Variants in SLC38A10 observed in about 807,000 individuals in gnomAD.
The protein encoded by SLC38A10 is solute carrier family 38 member 10.
In SLC38A10, 53 loss-of-function variants were observed where a neutral mutation model predicts 81.0. That is an observed-to-expected ratio of 0.65 (90% CI 0.53 to 0.82). The LOEUF is 0.82. SLC38A10 is among the 40% of genes least tolerant of loss of function. SLC38A10 has a pLI of 0.00. For synonymous variants in SLC38A10, 665 were observed against 655.3 expected, an observed-to-expected ratio of 1.01 and a Z score of -0.23; for missense variants, 1,471 against 1,545.0, an observed-to-expected ratio of 0.95 and a Z score of 0.80.
intron 4 of SLC38A10, among the ~76,000 whole-genome samples, chr17:81,282,877 C>T (rs953264963): frequency 2.0e-5 from 3 of 152,214 alleles, no homozygotes; most frequent in African/African-American, 4.8e-5. Context: ...AGCCTTTCTA[C>T]GCTGTTAGCA....
intron 14 of SLC38A10, among the ~76,000 whole-genome samples, chr17:81,248,308 C>T (rs562688260): frequency 5.3e-5 from 8 of 152,278 alleles, no homozygotes; most frequent in South Asian, 4.1e-4. Flanking sequence ...GTGAGGCCCC[C>T]GCCAGCCATC....
rs184259229 is a variant in SLC38A10 at position 81,272,927 on chromosome 17, T to C, written c.913-300A>G. On this transcript the variant is annotated intron_variant, in intron 8 of 15. Transcript: ENST00000374759. ...GTCCTTCCGTTTTCCTTTTTGCTTT[T>C]AGAGCAATACCACGAGAGTTTTTTA... Among the ~76,000 whole-genome samples, 99 of 152,324 alleles carry C rather than the reference T, an allele frequency of 6.5e-4. 1 individual carries two copies. Among genetic ancestry groups the C allele is most frequent in the African/African-American group, 2.2e-3 (92 of 41,562 alleles).
At position 81,244,932 on chromosome 17, in the gene SLC38A10, C is replaced by G. The variant is rs2062834898; in HGVS notation, c.*624G>C. Reference sequence around the variant, plus strand: ...CAAAGGGCGGCACCGGCCAGTGCCCCTGGACACCCGGCTTGTCTGGCCCCT... The same window carrying G: ...CAAAGGGCGGCACCGGCCAGTGCCCGTGGACACCCGGCTTGTCTGGCCCCT... On this transcript the variant is annotated 3_prime_UTR_variant, in exon 16 of 16. Coordinates refer to ENST00000374759, the MANE Select transcript of SLC38A10 (RefSeq NM_001037984.3). The G allele has an allele frequency of 6.1e-6, 1 of 164,978 alleles. No homozygotes were observed. Among genetic ancestry groups the G allele is most frequent in the Admixed American group, 6.4e-5 (1 of 15,622 alleles). 10.2% of individuals were successfully genotyped at this position (164,978 alleles called of 1,614,324 possible).
intron 8 of SLC38A10, 66 bp downstream of exon 8, chr17:81,275,903 G>T: frequency 6.7e-7 from 1 of 1,500,470 alleles, no homozygotes; most frequent in South Asian, 1.3e-5. Flanking sequence ...CGGGACAGCT[G>T]GGGGCTTATG....
rs376606899 is a variant in SLC38A10, at chr17:81,255,932, A to G, written c.1289-2692T>C. Among the ~76,000 whole-genome samples the G allele has an allele frequency of 2.3e-3, 347 of 152,302 alleles. 4 individuals are homozygous for G. The highest frequency in any genetic ancestry group is 8.1e-3 in the African/African-American group (335 of 41,574). On this transcript the variant is annotated intron_variant, in intron 11 of 15. Coordinates refer to ENST00000374759, the MANE Select transcript of SLC38A10 (RefSeq NM_001037984.3). ...GGGAGGTGGAGGCTGTAGTGAGCCA[A>G]TATCGTGCCACTGCACTCCAGCCTG...
Position 81,244,841 on chromosome 17 carries a change from A to T in SLC38A10, c.*715T>A, listed in dbSNP as rs929833143. 6.6e-6 allele frequency among the ~76,000 whole-genome samples: 1 copy of T among 152,134 alleles called. No homozygotes were observed. Among genetic ancestry groups the T allele is most frequent in the Non-Finnish European group, 1.5e-5 (1 of 68,016 alleles). On this transcript the variant is annotated 3_prime_UTR_variant, in exon 16 of 16. Transcript: ENST00000374759. ...TTATCAGTGGTGTTTTTTACTTTTT[A>T]AAAAAAGCCACAATTGGATTTTGAA...
chr17:81,287,958 C>T (rs2063281217), intron 2 of SLC38A10, among the ~76,000 whole-genome samples: 1 of 152,236 alleles, frequency 6.6e-6, no homozygotes, highest in Non-Finnish European at 1.5e-5. Context: ...AAGGGGCCCG[C>T]CCAGGCACGG....
intron 13 of SLC38A10, 69 bp from the exon 14 acceptor site, chr17:81,251,681 C>A: frequency 1.4e-6 from 2 of 1,419,912 alleles, no homozygotes; most frequent in Non-Finnish European, 1.8e-6. Context: ...GGTTGGGGGA[C>A]AGAAGGCAAG....
intron 14 of SLC38A10, chr17:81,247,357 G>A (rs1465940950): frequency 9.9e-6 from 3 of 301,756 alleles, no homozygotes; most frequent in South Asian, 2.7e-4. Flanking sequence ...CACTGGCTGT[G>A]CCCCAGGCGC....
intron 8 of SLC38A10, among the ~76,000 whole-genome samples, chr17:81,275,716 A>C (rs1296491584): frequency 1.1e-5 from 1 of 92,782 alleles, no homozygotes; most frequent in Non-Finnish European, 2.1e-5. Context: ...TGGGCGACAG[A>C]GCGAAACTCC....
At chr17:81,250,500 C>T (rs1428486950) in intron 14 of SLC38A10, among the ~76,000 whole-genome samples, 1 of 152,232 alleles carries the variant, frequency 6.6e-6, no homozygotes, top group Non-Finnish European at 1.5e-5. Context: ...CGTGCCAGGG[C>T]TGGCCCGGAG....
At chr17:81,249,998 C>A (rs111411153) in intron 14 of SLC38A10, 48 of 1,253,170 alleles carry the variant, frequency 3.8e-5, no homozygotes, top group Middle Eastern at 2.2e-4. Context: ...GGTGTGCCAC[C>A]GAGGGGCTGC....
In SLC38A10 at chr17:81,283,876, CTGGGATT is replaced by C. The variant is rs2063239284; in HGVS notation, c.264-381_264-375del. Among the ~76,000 whole-genome samples the C allele has an allele frequency of 1.3e-5, 2 of 151,038 alleles. No homozygotes were observed. The highest frequency in any genetic ancestry group is 4.9e-5 in the African/African-American group (2 of 41,134). On this transcript the variant is annotated intron_variant, in intron 3 of 15. Coordinates refer to ENST00000374759, the MANE Select transcript of SLC38A10 (RefSeq NM_001037984.3). This position sits in a 1 kb window ranked among gnomAD's most constrained non-coding sequence, Gnocchi z 4.7. ...CCGCCTGCCTCAGCCTCCCAAAGTG[CTGGGATT>C]ACAGGCGTGAGCCACTGTGCCTGGC...
intron 11 of SLC38A10, among the ~76,000 whole-genome samples, chr17:81,255,373 T>G (rs1027113934): frequency 6.6e-6 from 1 of 152,258 alleles, no homozygotes; most frequent in African/African-American, 2.4e-5. Flanking sequence ...GCCTCTTGGC[T>G]GCAGTAAAAC....
At chr17:81,294,685 A>G (rs896300929) in intron 1 of SLC38A10, 138 bp downstream of exon 1, 1 of 654,690 alleles carries the variant, frequency 1.5e-6, no homozygotes, top group Non-Finnish European at 2.4e-6. Flanking sequence ...CGGGACCCAG[A>G]GGGTCGCCCC....
At position 81,246,000 on chromosome 17, in the gene SLC38A10, C is replaced by A. The variant is rs1295707202; in HGVS notation, c.2916G>T (p.Gln972His). Reference protein sequence around the residue: ...RVISDGEQGGQQGHRLDHGGH... With the variant: ...RVISDGEQGGHQGHRLDHGGH... ...CGCCATGGTCCAGCCGGTGGCCCTG[C>A]TGTCCACCCTGCTCGCCATCAGAGA... is the stretch of plus-strand genomic sequence containing the variant. The change falls in exon 16 of 16, where the codon CAG becomes CAT. Residue 972 changes from glutamine (Q) to histidine (H), a missense_variant. By Grantham distance (24) the Gln-to-His change is conservative (BLOSUM62 0). This residue lies in a region of SLC38A10 where 751 missense variants were observed against 717.4 expected (regional missense o/e 1.05). Transcript: ENST00000374759. 1 of 1,606,222 alleles carries A rather than the reference C, an allele frequency of 6.2e-7. No individual in the cohort carries two copies. Among genetic ancestry groups the A allele is most frequent in the Admixed American group, 1.7e-5 (1 of 59,642 alleles).
At chr17:81,274,777 C>T (rs1253904659) in intron 8 of SLC38A10, among the ~76,000 whole-genome samples, 1 of 152,180 alleles carries the variant, frequency 6.6e-6, no homozygotes, top group East Asian at 1.9e-4. Flanking sequence ...TTTCATGGTT[C>T]ACTCTGCCAC....
intron 2 of SLC38A10, 121 bp from the exon 3 acceptor site, chr17:81,285,016 G>C (rs1234545265): frequency 4.2e-6 from 3 of 712,808 alleles, no homozygotes; most frequent in Non-Finnish European, 4.3e-6. Context: ...GATTCTCCGG[G>C]GCATGAGGGG....
chr17:81,272,124 C>T (rs1477482406), intron 9 of SLC38A10, among the ~76,000 whole-genome samples: 1 of 151,928 alleles, frequency 6.6e-6, no homozygotes, highest in Non-Finnish European at 1.5e-5. Flanking sequence ...ACTCCTCCTC[C>T]CGGGTTCAAG....
Sources: gnomAD v4.1 joint callset for allele counts (sites outside exome capture counted in the v4.1 genomes callset) on GRCh38, gnomAD v4.1.1 for gene constraint, gnomAD v4.1.1 regional missense constraint, Gnocchi (gnomAD v3.1) non-coding constraint, MANE v1.5 for transcripts, NCBI Gene and HGNC (gene_info 2026-07-23, HGNC 2026-07-21) for gene names.